Variants in RBFOX1 observed in about 807,000 individuals in gnomAD.
RBFOX1 encodes RNA binding fox-1 homolog 1.
RBFOX1 carries 8 observed loss-of-function variants against 57.7 expected under a neutral mutation model. That is an observed-to-expected ratio of 0.14 (90% CI 0.08 to 0.25). The LOEUF (loss-of-function observed/expected upper bound fraction) is 0.25, where lower values mean the gene tolerates loss of function less well. RBFOX1 is among the 10% of genes least tolerant of loss of function. The pLI is 1.00. For synonymous variants in RBFOX1, 326 were observed against 222.4 expected (o/e 1.47, Z -4.15); for missense variants, 611 against 548.5 (o/e 1.11, Z -1.14).
chr16:5,334,650 T>C (rs1300798766), intron 1 of RBFOX1, among the ~76,000 whole-genome samples: 3 of 152,084 alleles, frequency 2.0e-5, no homozygotes. Flanking sequence ...ATTGAACTTT[T>C]AGGATGTTCA....
intron 3 of RBFOX1, among the ~76,000 whole-genome samples, chr16:6,917,833 G>T (rs914568025): frequency 2.0e-5 from 3 of 152,122 alleles, no homozygotes; most frequent in Non-Finnish European, 2.9e-5. Context: ...GGCCCTGGGG[G>T]AGACATCATC....
intron 4 of RBFOX1, among the ~76,000 whole-genome samples, chr16:6,002,280 A>G (rs2152330344): frequency 6.6e-6 from 1 of 152,182 alleles, no homozygotes; most frequent in East Asian, 1.9e-4. Flanking sequence ...CGTGGCTACC[A>G]TTTTCAACTT....
intron 3 of RBFOX1, among the ~76,000 whole-genome samples, chr16:6,902,718 T>C (rs1468932601): frequency 6.6e-6 from 1 of 152,188 alleles, no homozygotes; most frequent in Non-Finnish European, 1.5e-5. Context: ...CAAGACTCCA[T>C]GTAGAGAACA....
chr16:5,340,960 C>G (rs2065018934), intron 1 of RBFOX1, among the ~76,000 whole-genome samples: 2 of 152,122 alleles, frequency 1.3e-5, no homozygotes, highest in South Asian at 2.1e-4. Flanking sequence ...GGAAGTCTTC[C>G]TCAAAAAGAT....
At chr16:7,048,323 A>C (rs1253694772) in intron 3 of RBFOX1, among the ~76,000 whole-genome samples, 1 of 152,032 alleles carries the variant, frequency 6.6e-6, no homozygotes, top group Non-Finnish European at 1.5e-5. Context: ...GCAGTGGCAC[A>C]ATCTTGGCTC....
intron 3 of RBFOX1, among the ~76,000 whole-genome samples, chr16:6,923,823 A>C (rs2075004095): frequency 6.6e-6 from 1 of 152,142 alleles, no homozygotes. Flanking sequence ...ATGAAACTTC[A>C]GGCAAGTGAC....
chr16:5,512,065 A>G (rs1292135128), intron 2 of RBFOX1, among the ~76,000 whole-genome samples: 1 of 152,242 alleles, frequency 6.6e-6, no homozygotes, highest in Non-Finnish European at 1.5e-5. Context: ...ATGGATGCAC[A>G]CGGTGGCAAT....
chr16:5,833,742 G>T (rs1338852373), intron 3 of RBFOX1, among the ~76,000 whole-genome samples: 1 of 152,118 alleles, frequency 6.6e-6, no homozygotes, highest in African/African-American at 2.4e-5. Context: ...GAGAAAGAAG[G>T]AGAGACACAT....
In RBFOX1 at chr16:7,562,349, C is replaced by G. The variant is rs570901296; in HGVS notation, c.271-17428C>G. On this transcript the variant is annotated intron_variant, in intron 5 of 15. Transcript: ENST00000550418. Reference sequence around the variant, plus strand: ...CCTGTTCCCTGTAGTTCCTCTGGCTCTTGAAAGAGCCTGAAGTTACAGAAG... The same window carrying G: ...CCTGTTCCCTGTAGTTCCTCTGGCTGTTGAAAGAGCCTGAAGTTACAGAAG... Among the ~76,000 whole-genome samples, 3 of 152,234 alleles carry G rather than the reference C, an allele frequency of 2.0e-5. No homozygotes were observed. The South Asian group carries it at 6.2e-4, about 32-fold the overall frequency.
At chr16:6,969,512 A>G (rs1301779556) in intron 3 of RBFOX1, among the ~76,000 whole-genome samples, 3 of 152,108 alleles carry the variant, frequency 2.0e-5, no homozygotes, top group African/African-American at 7.2e-5. Flanking sequence ...ACGTAGGTGG[A>G]TCGATTGAGC....
intron 3 of RBFOX1, among the ~76,000 whole-genome samples, chr16:6,698,210 A>G (rs1443922258): frequency 6.6e-6 from 1 of 152,268 alleles, no homozygotes; most frequent in East Asian, 1.9e-4. Context: ...CAATTTGACA[A>G]TTAGATCATG....
intron 4 of RBFOX1, among the ~76,000 whole-genome samples, chr16:5,985,224 C>T (rs915125151): frequency 1.1e-4 from 17 of 151,468 alleles, no homozygotes; most frequent in African/African-American, 4.1e-4. Context: ...GATCTCCTGA[C>T]CTCCTGATCC....
At chr16:7,212,137 T>G (rs1023340310) in intron 4 of RBFOX1, among the ~76,000 whole-genome samples, 6 of 152,188 alleles carry the variant, frequency 3.9e-5, no homozygotes, top group African/African-American at 1.2e-4. Flanking sequence ...TGGATAGGAT[T>G]CATTGGCATG....
intron 2 of RBFOX1, among the ~76,000 whole-genome samples, chr16:6,466,229 CAAAAAAAA>C (rs201275514): frequency 7.8e-6 from 1 of 127,878 alleles, no homozygotes; most frequent in African/African-American, 3.0e-5. Flanking sequence ...AACTCTATCT[CAAAAAAAA>C]AAAAAAGGAT....
intron 3 of RBFOX1, among the ~76,000 whole-genome samples, chr16:7,036,426 G>T (rs925241882): frequency 6.6e-6 from 1 of 151,990 alleles, no homozygotes; most frequent in African/African-American, 2.4e-5. Flanking sequence ...AAGAATTCAG[G>T]GCGGCCGGGC....
At chr16:7,575,239 A>G (rs1041441797) in intron 5 of RBFOX1, among the ~76,000 whole-genome samples, 2 of 151,902 alleles carry the variant, frequency 1.3e-5, no homozygotes, top group Non-Finnish European at 2.9e-5. Context: ...GATTCAAGCG[A>G]TTCTCCTGCC....
At chr16:5,837,098 C>G (rs1261088526) in intron 3 of RBFOX1, among the ~76,000 whole-genome samples, 2 of 152,110 alleles carry the variant, frequency 1.3e-5, no homozygotes, top group African/African-American at 2.4e-5. Flanking sequence ...ATTCATAATT[C>G]TAGCCTCCTT....
intron 3 of RBFOX1, among the ~76,000 whole-genome samples, chr16:6,964,561 A>G (rs949181806): frequency 6.6e-6 from 1 of 152,150 alleles, no homozygotes; most frequent in African/African-American, 2.4e-5. Flanking sequence ...CAGTGAGGGT[A>G]TATGGGGAAT....
intron 1 of RBFOX1, among the ~76,000 whole-genome samples, chr16:5,244,273 C>T (rs1596290279): frequency 6.6e-6 from 1 of 152,248 alleles, no homozygotes; most frequent in Admixed American, 6.5e-5. Context: ...TAGACTCCAT[C>T]CTCCATCCCC....
Sources: gnomAD v4.1 joint callset for allele counts (sites outside exome capture counted in the v4.1 genomes callset) on GRCh38, gnomAD v4.1.1 for gene constraint, MANE v1.5 for transcripts, NCBI Gene and HGNC (gene_info 2026-07-23, HGNC 2026-07-21) for gene names.